Variants in PCDHA1 observed in about 807,000 individuals in gnomAD.
PCDHA1 encodes protocadherin alpha-1.
A neutral mutation model predicts 61.3 loss-of-function variants in PCDHA1; 42 were observed. The ratio of observed to expected loss-of-function variants is 0.69; its 90% CI spans 0.54 to 0.89. The LOEUF is 0.89. Ranked by LOEUF, PCDHA1 falls within the 40% of genes least tolerant of loss-of-function variation. The probability of loss-of-function intolerance (pLI) is 0.00; values close to 1 mark genes in which losing one functional copy is unlikely to be tolerated. For synonymous variants in PCDHA1, 610 were observed against 553.8 expected, an observed-to-expected ratio of 1.10 and a Z score of -1.43; for missense variants, 1,256 against 1,235.3, an observed-to-expected ratio of 1.02 and a Z score of -0.25.
chr5:140,825,720 C>G (rs1554130338), intron 1 of PCDHA1: 1 of 152,170 alleles, frequency 6.6e-6, no homozygotes, highest in Non-Finnish European at 1.5e-5. Context: ...TCGCGCCTGG[C>G]CTAAATTATT....
intron 1 of PCDHA1, among the ~76,000 whole-genome samples, chr5:140,833,088 A>G (rs1218866557): frequency 3.3e-5 from 5 of 152,214 alleles, no homozygotes; most frequent in Non-Finnish European, 7.3e-5. Flanking sequence ...TTTGAGTACT[A>G]GACGAGTAAT....
chr5:140,881,332 C>T (rs923599590), intron 1 of PCDHA1: 7 of 984,540 alleles, frequency 7.1e-6, no homozygotes, highest in South Asian at 9.4e-5. Flanking sequence ...TTAACCAGGA[C>T]GCCGATTCGG....
intron 1 of PCDHA1, among the ~76,000 whole-genome samples, chr5:140,797,823 T>G (rs1480013194): frequency 6.6e-6 from 1 of 152,088 alleles, no homozygotes; most frequent in Non-Finnish European, 1.5e-5. Context: ...TGCCCTTGTC[T>G]ATGCAATAGT....
chr5:140,947,920 A>G (rs1336638527), intron 1 of PCDHA1, among the ~76,000 whole-genome samples: 1 of 151,504 alleles, frequency 6.6e-6, no homozygotes, highest in African/African-American at 2.4e-5. Context: ...TCTTGCCTTA[A>G]CCCTGATCTT....
At chr5:140,932,810 A>G (rs925757508) in intron 1 of PCDHA1, among the ~76,000 whole-genome samples, 1 of 151,958 alleles carries the variant, frequency 6.6e-6, no homozygotes, top group Non-Finnish European at 1.5e-5. Flanking sequence ...CCTTGGAAAC[A>G]TATAAGTGGG....
intron 1 of PCDHA1, chr5:140,851,252 G>T: frequency 9.2e-7 from 1 of 1,089,164 alleles, no homozygotes; most frequent in Non-Finnish European, 1.2e-6. Flanking sequence ...ATGATGCATA[G>T]TATTTTAGTC....
chr5:140,935,280 G>A (rs1039041502), intron 1 of PCDHA1, among the ~76,000 whole-genome samples: 2 of 152,114 alleles, frequency 1.3e-5, no homozygotes, highest in Admixed American at 6.5e-5. Context: ...ATCTAATAAA[G>A]TTCAGCACTC....
At chr5:140,830,610 T>A in intron 1 of PCDHA1, 1 of 618,590 alleles carries the variant, frequency 1.6e-6, no homozygotes, top group Non-Finnish European at 2.5e-6. Context: ...ATATTTTCAT[T>A]TTATTGTGTT....
At chr5:140,884,281 G>C in intron 1 of PCDHA1, 4 of 1,613,614 alleles carry the variant, frequency 2.5e-6, no homozygotes, top group Non-Finnish European at 3.4e-6. Flanking sequence ...CGCTGGTGGA[G>C]AGCGGCCAAG....
At chr5:141,001,455 G>T (rs2098019131) in intron 3 of PCDHA1, among the ~76,000 whole-genome samples, 1 of 152,210 alleles carries the variant, frequency 6.6e-6, no homozygotes, top group Non-Finnish European at 1.5e-5. Flanking sequence ...ACTGTCAATT[G>T]AAGGACTAAG....
chr5:140,829,166 G>C lies in PCDHA1; in HGVS notation c.2394+40482G>C, dbSNP rs2150163292. 5 of 1,614,104 alleles carry C rather than the reference G, an allele frequency of 3.1e-6. No homozygotes were observed. The South Asian group carries it at 5.5e-5, about 18-fold the overall frequency. ...AGCACTGACTTCCTTATCCTTGCCT[G>C]TACGTGAAGACGCTCAATTTGGTAC... On this transcript the variant is annotated intron_variant, in intron 1 of 3. Coordinates refer to ENST00000504120, the MANE Select transcript of PCDHA1 (RefSeq NM_018900.4).
At chr5:140,796,883 C>A (rs1466360830) in intron 1 of PCDHA1, 8 of 1,613,862 alleles carry the variant, frequency 5.0e-6, no homozygotes, top group Non-Finnish European at 6.8e-6. Context: ...CTAGACGAGG[C>A]TGACTCCCCT....
chr5:140,857,031 C>T (rs782539359), intron 1 of PCDHA1: 1 of 1,596,318 alleles, frequency 6.3e-7, no homozygotes, highest in Non-Finnish European at 8.6e-7. Flanking sequence ...GGAAACCCAC[C>T]TATGGTTGGT....
At chr5:140,917,337 G>GA (rs1240219857) in intron 1 of PCDHA1, among the ~76,000 whole-genome samples, 3 of 142,560 alleles carry the variant, frequency 2.1e-5, no homozygotes, top group Non-Finnish European at 4.7e-5. Context: ...GGGAGGGGGG[G>GA]GATGGTGTAG....
chr5:140,943,476 AAAT>A (rs1167849813), intron 1 of PCDHA1, among the ~76,000 whole-genome samples: 3 of 152,134 alleles, frequency 2.0e-5, no homozygotes, highest in Non-Finnish European at 2.9e-5. Context: ...AGATACAGTA[AAAT>A]AATAAATAGA....
chr5:140,803,680 G>A, intron 1 of PCDHA1: 3 of 1,584,468 alleles, frequency 1.9e-6, no homozygotes, highest in Non-Finnish European at 2.6e-6. Flanking sequence ...TAATAGTTAA[G>A]TATGAATTAT....
At chr5:140,823,570 G>C in intron 1 of PCDHA1, 1 of 1,613,982 alleles carries the variant, frequency 6.2e-7, no homozygotes, top group Non-Finnish European at 8.5e-7. Flanking sequence ...AGTGGACCCT[G>C]ATTCGGGCTA....
At chr5:140,795,785 A>G (rs1328538112) in intron 1 of PCDHA1, 2 of 1,613,766 alleles carry the variant, frequency 1.2e-6, no homozygotes, top group African/African-American at 2.7e-5. Context: ...GAAGGACCGA[A>G]CAGCGAGATT....
intron 1 of PCDHA1, among the ~76,000 whole-genome samples, chr5:140,906,486 A>G (rs2072686991): frequency 6.6e-6 from 1 of 152,270 alleles, no homozygotes; most frequent in South Asian, 2.1e-4. Context: ...GTATAAATGC[A>G]CAAACATGTT....
Sources: gnomAD v4.1 joint callset for allele counts (sites outside exome capture counted in the v4.1 genomes callset) on GRCh38, gnomAD v4.1.1 for gene constraint, MANE v1.5 for transcripts, NCBI Gene and HGNC (gene_info 2026-07-23, HGNC 2026-07-21) for gene names.